Variants in RAB37 observed in about 807,000 individuals in gnomAD.
RAB37 encodes the protein RAB37, member RAS oncogene family.
A neutral mutation model predicts 33.1 loss-of-function variants in RAB37; 29 were observed. The observed-to-expected ratio is 0.88, with a 90% CI of 0.65 to 1.20. The LOEUF is 1.20. RAB37 is among the 50% of genes most tolerant of loss of function. The probability of loss-of-function intolerance (pLI) is 0.00; values close to 1 mark genes in which losing one functional copy is unlikely to be tolerated. For missense variants in RAB37, 299 were observed against 301.1 expected, an observed-to-expected ratio of 0.99 and a Z score of 0.05; for synonymous variants, 128 against 119.5, an observed-to-expected ratio of 1.07 and a Z score of -0.47.
At chr17:74,709,239 A>T (rs1230903525) in intron 1 of RAB37, among the ~76,000 whole-genome samples, 1 of 152,132 alleles carries the variant, frequency 6.6e-6, no homozygotes, top group Admixed American at 6.5e-5. Flanking sequence ...AAAGGAAAAA[A>T]GAAAATCAAT....
At position 74,729,514 on chromosome 17, in the gene RAB37, G is replaced by T; in HGVS notation, c.183+148G>T. On this transcript the variant is annotated intron_variant, in intron 2 of 7. Coordinates refer to the RAB37 transcript ENST00000340415. The surrounding 1 kb of genome is among the most constrained non-coding windows in gnomAD (Gnocchi z 4.2). ...AGACTGTTCCCCAAGGTGTAGGAGG[G>T]TGTTGGGTGACCAGGAGGGAGGGTA... is the stretch of plus-strand genomic sequence containing the variant. 7.4e-6 allele frequency: 5 copies of T among 675,686 alleles called. No individual in the cohort carries two copies. The highest frequency in any genetic ancestry group is 1.3e-5 in the Non-Finnish European group (5 of 370,374). 41.9% of individuals were successfully genotyped at this position (675,686 alleles called of 1,614,324 possible).
chr17:74,739,288 C>G lies in RAB37; in HGVS notation c.94-1480C>G, dbSNP rs115507175. Among the ~76,000 whole-genome samples, 352 of 152,320 alleles carry G rather than the reference C, an allele frequency of 2.3e-3. 1 individual carries two copies. Among genetic ancestry groups the G allele is most frequent in the African/African-American group, 7.7e-3 (320 of 41,568 alleles). On this transcript the variant is annotated intron_variant, in intron 1 of 8. Transcript: ENST00000392613. ...GAACAGTGGGACAAAGTGCTCCTCT[C>G]CACCATTCCTGCGTGTCCCTGGGGA...
chr17:74,695,183 G>C (rs1336230214), intron 1 of RAB37: 1 of 1,614,150 alleles, frequency 6.2e-7, no homozygotes, highest in Non-Finnish European at 8.5e-7. Flanking sequence ...TGTTGCAGTA[G>C]GTCGGTTCCT....
chr17:74,682,242 C>A (rs982722843), intron 1 of RAB37, among the ~76,000 whole-genome samples: 1 of 152,166 alleles, frequency 6.6e-6, no homozygotes, highest in African/African-American at 2.4e-5. Flanking sequence ...TCATTGGTTC[C>A]TGTACCAGAG....
At chr17:74,713,937 T>C (rs1048064813) in intron 1 of RAB37, among the ~76,000 whole-genome samples, 1 of 130,020 alleles carries the variant, frequency 7.7e-6, no homozygotes, top group African/African-American at 2.9e-5. Flanking sequence ...AAGTCAGGCA[T>C]GGTGGCTCAT....
chr17:74,684,151 ACTCTGCCTC>A (rs1175177574), intron 1 of RAB37, among the ~76,000 whole-genome samples: 1 of 151,798 alleles, frequency 6.6e-6, no homozygotes, highest in Non-Finnish European at 1.5e-5. Flanking sequence ...AGTGGCATGC[ACTCTGCCTC>A]CTCTGCCTCC....
intron 1 of RAB37, among the ~76,000 whole-genome samples, chr17:74,684,157 C>T (rs1043938639): frequency 6.6e-6 from 1 of 152,084 alleles, no homozygotes; most frequent in African/African-American, 2.4e-5. Flanking sequence ...ATGCACTCTG[C>T]CTCCTCTGCC....
intron 1 of RAB37, among the ~76,000 whole-genome samples, chr17:74,687,350 AGTAGCTG>A (rs1291346239): frequency 6.6e-6 from 1 of 151,896 alleles, no homozygotes; most frequent in Non-Finnish European, 1.5e-5. Context: ...CGGCCTCCCA[AGTAGCTG>A]GGATTACAGG....
intron 1 of RAB37, among the ~76,000 whole-genome samples, chr17:74,694,149 A>G (rs2032228854): frequency 6.6e-6 from 1 of 151,980 alleles, no homozygotes; most frequent in Admixed American, 6.6e-5. Flanking sequence ...GAACCTCTCC[A>G]TCCCTAGGGT....
In RAB37 at chr17:74,743,048, C is replaced by T. The variant is rs142157218; in HGVS notation, c.247-81C>T. ...CCCACCTTCCCACAGATATCTCATA[C>T]AACAAAGCAGGCCTGCTCCACCCAG... On this transcript the variant is annotated intron_variant, in intron 3 of 8. Coordinates refer to ENST00000392613, the MANE Select transcript of RAB37 (RefSeq NM_001006638.3). 266 of 1,302,576 alleles carry T rather than the reference C, an allele frequency of 2.0e-4. 2 individuals carry two copies. The East Asian group carries it at 5.5e-3, about 27-fold the overall frequency. 80.7% of individuals were successfully genotyped at this position (1,302,576 alleles called of 1,614,324 possible).
At position 74,671,522 on chromosome 17, in the gene RAB37, C is replaced by G. The variant is rs7216842; in HGVS notation, c.-65C>G. The G allele has an allele frequency of 6.6e-7, 1 of 1,519,314 alleles. No homozygotes were observed. The highest frequency in any genetic ancestry group is 1.1e-5 in the South Asian group (1 of 88,854). 94.1% of individuals were successfully genotyped at this position (1,519,314 alleles called of 1,614,324 possible). A position where few individuals can be genotyped will look rare whatever the true frequency, so the allele number is the denominator to read the frequency against. ...CCTGCCGCACCCAGCGGAGCTCGAA[C>G]CGAGCTCCTGGAAGCGCTGACGCAG... On this transcript the variant is annotated 5_prime_UTR_variant, in exon 1 of 8. Transcript: ENST00000340415. This position sits in a 1 kb window ranked among gnomAD's most constrained non-coding sequence, Gnocchi z 5.0.
At chr17:74,695,196 T>C (rs1004484086) in intron 1 of RAB37, 1 of 1,614,040 alleles carries the variant, frequency 6.2e-7, no homozygotes, top group East Asian at 2.2e-5. Flanking sequence ...CGGTTCCTGA[T>C]CCTCAGCACC....
intron 1 of RAB37, among the ~76,000 whole-genome samples, chr17:74,684,448 AAG>A (rs2032013728): frequency 6.6e-6 from 1 of 152,120 alleles, no homozygotes; most frequent in Non-Finnish European, 1.5e-5. Context: ...ATGAAAAACA[AAG>A]AAAAAATTTC....
At chr17:74,721,252 C>G (rs965834164) in intron 1 of RAB37, among the ~76,000 whole-genome samples, 6 of 152,304 alleles carry the variant, frequency 3.9e-5, no homozygotes, top group African/African-American at 1.4e-4. Flanking sequence ...CCCTCTTTTA[C>G]CCAGTATTTC....
At chr17:74,682,845 G>A (rs981633343) in intron 1 of RAB37, among the ~76,000 whole-genome samples, 4 of 152,108 alleles carry the variant, frequency 2.6e-5, no homozygotes, top group South Asian at 4.1e-4. Context: ...CGGAGGTTGC[G>A]GTGAGCCGAG....
At chr17:74,736,339 G>T (rs1324372357), upstream of RAB37, among the ~76,000 whole-genome samples, 3 of 152,194 alleles carry the variant, frequency 2.0e-5, no homozygotes, top group Non-Finnish European at 4.4e-5. Flanking sequence ...ATGTGGAGAT[G>T]GGGGTAATTG....
intron 1 of RAB37, chr17:74,672,928 G>A (rs905305967): frequency 6.6e-6 from 1 of 152,214 alleles, no homozygotes; most frequent in Non-Finnish European, 1.5e-5. Flanking sequence ...ATTGAAGGAA[G>A]CAGGTCTCTA....
intron 1 of RAB37, among the ~76,000 whole-genome samples, chr17:74,722,282 C>CAAAA (rs375629072): frequency 1.5e-5 from 1 of 65,534 alleles, no homozygotes. Flanking sequence ...GACTCTGTCT[C>CAAAA]AAAAAAAAAA....
At chr17:74,736,559 C>A, upstream of RAB37, 2 of 1,481,162 alleles carry the variant, frequency 1.4e-6, no homozygotes, top group East Asian at 2.5e-5. Context: ...CCTTCAGGAG[C>A]GGTCCACTGG....
Sources: gnomAD v4.1 joint callset for allele counts (sites outside exome capture counted in the v4.1 genomes callset) on GRCh38, gnomAD v4.1.1 for gene constraint, Gnocchi (gnomAD v3.1) non-coding constraint, MANE v1.5 for transcripts, NCBI Gene and HGNC (gene_info 2026-07-23, HGNC 2026-07-21) for gene names.